SFI1: variants seen among roughly 807,000 people sequenced by gnomAD.
The protein encoded by SFI1 is protein SFI1 homolog.
A neutral mutation model predicts 207.5 loss-of-function variants in SFI1; 195 were observed. That is an observed-to-expected ratio of 0.94 (90% CI 0.84 to 1.06). The LOEUF (loss-of-function observed/expected upper bound fraction) is 1.06, where lower values mean the gene tolerates loss of function less well. Among genes scored for constraint, SFI1 ranks in the 50% least tolerant of loss-of-function variants. The pLI, the probability that SFI1 is intolerant of heterozygous loss-of-function variation, is 0.00. For synonymous variants in SFI1, 630 were observed against 598.9 expected (o/e 1.05, Z -0.76); for missense variants, 1,634 against 1,588.0 (o/e 1.03, Z -0.49).
rs373155926 is a variant in SFI1 at position 31,618,298 on chromosome 22, C to G, written c.3625-16C>G. 7.8e-5 allele frequency: 126 copies of G among 1,606,688 alleles called. No homozygotes were observed. The highest frequency in any genetic ancestry group is 1.0e-4 in the Non-Finnish European group (123 of 1,175,864). The stretch of plus-strand genomic sequence containing the variant: ...TGTGCTCCCTCTCAGCCCTGCCTGT[C>G]CCTCCATGGCCCCAGGTGGAAATGC... On this transcript the variant is annotated splice_polypyrimidine_tract_variant and intron_variant, in intron 32 of 32. Coordinates refer to ENST00000400288, the MANE Select transcript of SFI1 (RefSeq NM_001007467.3).
intron 1 of SFI1, among the ~76,000 whole-genome samples, chr22:31,497,658 G>A (rs1328330871): frequency 3.7e-4 from 5 of 13,490 alleles, no homozygotes; most frequent in Non-Finnish European, 1.1e-3. Context: ...TATATCAAAA[G>A]CTAGAAATGA....
intron 2 of SFI1, among the ~76,000 whole-genome samples, chr22:31,525,533 TC>T (rs1310238533): frequency 6.6e-6 from 1 of 152,208 alleles, no homozygotes; most frequent in East Asian, 1.9e-4. Context: ...TTCAAGACCA[TC>T]CTGCGCATGT....
chr22:31,596,517 G>T (rs554374498), intron 15 of SFI1, among the ~76,000 whole-genome samples: 2 of 151,880 alleles, frequency 1.3e-5, no homozygotes, highest in African/African-American at 4.8e-5. Context: ...CAGGCTGGAC[G>T]CGGTGGCTCA....
intron 6 of SFI1, among the ~76,000 whole-genome samples, chr22:31,553,529 A>ATTTTTTTTTT (rs71202096): frequency 1.7e-4 from 14 of 82,610 alleles, no homozygotes; most frequent in African/African-American, 4.0e-4. Context: ...TAATTTTTGT[A>ATTTTTTTTTT]TTTTTTTTTT....
chr22:31,531,269 T>A, intron 4 of SFI1, 140 bp downstream of exon 4: 4 of 633,846 alleles, frequency 6.3e-6, no homozygotes, highest in Non-Finnish European at 8.2e-6. Context: ...CAGTCCCTAA[T>A]ATAACCATGT....
rs764352800 is a variant in SFI1, at chr22:31,550,318, A to G, written c.514A>G (p.Arg172Gly). Residue 172 changes from arginine (R) to glycine (G), a missense_variant, in exon 6 of 33, where the codon AGG becomes GGG. Transcript: ENST00000400288. ...KTYVRQQQEM[R>G]NKYIRAEVHD... ...CTATGTGCGTCAGCAGCAGGAGATGAGGAACAAGTACATTAGAGCCGAGGT... is the reference window on the plus strand; with the variant it reads ...CTATGTGCGTCAGCAGCAGGAGATGGGGAACAAGTACATTAGAGCCGAGGT... 1 of 1,614,140 alleles carries G rather than the reference A, an allele frequency of 6.2e-7. No homozygotes were observed.
intron 1 of SFI1, among the ~76,000 whole-genome samples, chr22:31,501,585 C>T (rs9606846): frequency 0.22 from 33,084 of 152,014 alleles, 4,608 homozygotes; most frequent in East Asian, 0.44. Context: ...GTCCCAGTTC[C>T]GCCACTTGTT....
At chr22:31,535,007 G>T (rs566574160) in intron 4 of SFI1, among the ~76,000 whole-genome samples, 3 of 151,326 alleles carry the variant, frequency 2.0e-5, no homozygotes, top group African/African-American at 4.9e-5. Context: ...CCACATAGCT[G>T]GGACTACAGG....
chr22:31,589,375 G>A, intron 14 of SFI1, 72 bp from the exon 15 acceptor site: 1 of 1,320,734 alleles, frequency 7.6e-7, no homozygotes, highest in Non-Finnish European at 1.0e-6. Flanking sequence ...CTCCCACAAG[G>A]GTGTGACCCT....
chr22:31,581,608 G>A (rs738702), intron 12 of SFI1, among the ~76,000 whole-genome samples: 12,828 of 152,106 alleles, frequency 0.084, 963 homozygotes, highest in East Asian at 0.4. Flanking sequence ...GGAGGCTTTG[G>A]TTGTGTTTCT....
At chr22:31,507,360 T>C (rs1208742807) in intron 1 of SFI1, among the ~76,000 whole-genome samples, 1 of 152,158 alleles carries the variant, frequency 6.6e-6, no homozygotes, top group African/African-American at 2.4e-5. Flanking sequence ...TAACTCAAGA[T>C]GGGTTAAAGA....
chr22:31,559,511 A>G (rs928467568), intron 7 of SFI1: 1 of 537,624 alleles, frequency 1.9e-6, no homozygotes. Flanking sequence ...GAAAAGTTCC[A>G]GCGTATTTTG....
At chr22:31,530,636 C>G in intron 3 of SFI1, 1 of 471,396 alleles carries the variant, frequency 2.1e-6, no homozygotes, top group Non-Finnish European at 4.4e-6. Flanking sequence ...GTGAGCTGAT[C>G]TCTGTGATAT....
intron 20 of SFI1, 31 bp from the exon 21 acceptor site, chr22:31,606,297 A>T (rs1372196520): frequency 6.3e-7 from 1 of 1,597,888 alleles, no homozygotes; most frequent in Non-Finnish European, 8.6e-7. Context: ...TCCTGGTGTC[A>T]TCTGCCTTCC....
intron 4 of SFI1, among the ~76,000 whole-genome samples, chr22:31,541,138 T>G (rs534960112): frequency 6.6e-5 from 10 of 152,246 alleles, no homozygotes; most frequent in African/African-American, 2.4e-4. Context: ...AGTCCACAGC[T>G]CCTCGCCTCC....
chr22:31,556,632 A>G (rs2061195439), intron 6 of SFI1, among the ~76,000 whole-genome samples: 1 of 152,136 alleles, frequency 6.6e-6, no homozygotes, highest in South Asian at 2.1e-4. Flanking sequence ...CTGCCTGTTT[A>G]TTCATATCAT....
At position 31,580,306 on chromosome 22, in the gene SFI1, C is replaced by T. The variant is rs766192387; in HGVS notation, c.1190C>T (p.Thr397Ile). 2 of 1,613,994 alleles carry T rather than the reference C, an allele frequency of 1.2e-6. No individual in the cohort carries two copies. The highest frequency in any genetic ancestry group is 2.2e-5 in the South Asian group (2 of 91,066). Reference protein sequence around the residue: ...FCFRALKDNVTHAHLQQIRRN... With the variant: ...FCFRALKDNVIHAHLQQIRRN... ...TTTAGAGCCCTAAAAGACAATGTGA[C>T]CCACGCTCATCTCCAGCAAATAAGA... is the stretch of plus-strand genomic sequence containing the variant. The change falls in exon 12 of 33, where the codon ACC (threonine) becomes ATC (isoleucine). Residue 397 changes from threonine to isoleucine, a missense_variant. Transcript: ENST00000400288.
At chr22:31,570,392 A>G (rs527257618) in intron 8 of SFI1, among the ~76,000 whole-genome samples, 7 of 152,348 alleles carry the variant, frequency 4.6e-5, no homozygotes, top group Admixed American at 6.5e-5. Context: ...GAAATAGGAA[A>G]GACTGCAGGA....
At chr22:31,568,084 A>G (rs1250247885) in intron 8 of SFI1, among the ~76,000 whole-genome samples, 1 of 152,000 alleles carries the variant, frequency 6.6e-6, no homozygotes, top group Admixed American at 6.6e-5. Flanking sequence ...AGAAAAGAAA[A>G]GATTACAAGT....
Sources: allele counts gnomAD v4.1 joint callset (sites outside exome capture counted in the v4.1 genomes callset), GRCh38; gene constraint gnomAD v4.1.1; transcripts MANE v1.5; gene names NCBI Gene and HGNC (gene_info 2026-07-23, HGNC 2026-07-21).